The following AK7 variants were observed in gnomAD, a reference collection of about 807,000 sequenced individuals.
AK7 encodes the protein ATP-AMP transphosphorylase 7.
A neutral mutation model predicts 96.6 loss-of-function variants in AK7; 78 were observed. The ratio of observed to expected loss-of-function variants is 0.81; its 90% confidence interval spans 0.67 to 0.97. The LOEUF is 0.97. Ranked by LOEUF, AK7 falls within the 50% of genes least tolerant of loss-of-function variation. The pLI, the probability that AK7 is intolerant of heterozygous loss-of-function variation, is 0.00. For synonymous variants in AK7, 302 were observed against 317.2 expected (o/e 0.95, Z 0.51); for missense variants, 855 against 887.9 (o/e 0.96, Z 0.47).
intron 4 of AK7, among the ~76,000 whole-genome samples, chr14:96,418,600 C>A (rs1013253406): frequency 6.6e-6 from 1 of 152,078 alleles, no homozygotes; most frequent in African/African-American, 2.4e-5. Context: ...CTCACTGCAA[C>A]CTCAGCCTCC....
Position 96,395,321 on chromosome 14 carries a change from A to G in AK7, c.106-2754A>G, listed in dbSNP as rs536341816. 3.9e-5 allele frequency among the ~76,000 whole-genome samples: 6 copies of G among 152,340 alleles called. 1 individual carries two copies. Among genetic ancestry groups the G allele is most frequent in the African/African-American group, 1.4e-4 (6 of 41,578 alleles). On this transcript the variant is annotated intron_variant, in intron 1 of 17. Coordinates refer to ENST00000267584, the MANE Select transcript of AK7 (RefSeq NM_152327.5). ...TTCTAAGAAAATCATAAAGAAGACA[A>G]ATATATTTACTATTCATTAAACAGA...
At chr14:96,468,243 G>A (rs1894688706) in intron 12 of AK7, among the ~76,000 whole-genome samples, 1 of 144,544 alleles carries the variant, frequency 6.9e-6, no homozygotes, top group Non-Finnish European at 1.5e-5. Flanking sequence ...AAAGAAGGGT[G>A]ATCTCTCTCA....
chr14:96,489,122 T>C lies in AK7; in HGVS notation c.*779T>C, dbSNP rs1347328739. 1 of 152,224 alleles carries C rather than the reference T, an allele frequency of 6.6e-6. No homozygotes were observed. Among genetic ancestry groups the C allele is most frequent in the Non-Finnish European group, 1.5e-5 (1 of 68,036 alleles). 9.4% of individuals were successfully genotyped at this position (152,224 alleles called of 1,614,324 possible). On this transcript the variant is annotated 3_prime_UTR_variant, in exon 18 of 18. Coordinates refer to ENST00000267584, the MANE Select transcript of AK7 (RefSeq NM_152327.5). ...TTTAGGTTTAATGGCATATGTATTT[T>C]ATCTCTTTAAATAATGTAACCTAAT...
At chr14:96,447,101 C>T (rs1385571998) in intron 8 of AK7, among the ~76,000 whole-genome samples, 3 of 152,194 alleles carry the variant, frequency 2.0e-5, no homozygotes, top group Non-Finnish European at 4.4e-5. Context: ...CCAAAATAGC[C>T]TTTCTCTTTT....
chr14:96,475,846 G>C (rs1895144980), intron 14 of AK7, among the ~76,000 whole-genome samples: 1 of 152,096 alleles, frequency 6.6e-6, no homozygotes, highest in Non-Finnish European at 1.5e-5. Flanking sequence ...GGGTGTGGTG[G>C]CATGTGCCTG....
chr14:96,441,812 C>A (rs539783106), intron 6 of AK7, among the ~76,000 whole-genome samples: 1 of 152,008 alleles, frequency 6.6e-6, no homozygotes, highest in African/African-American at 2.4e-5. Context: ...CTACAGTCAG[C>A]CTCCTCAATG....
In AK7 at chr14:96,398,153, G is replaced by A. The variant is rs770253033; in HGVS notation, c.184G>A (p.Ala62Thr). 4 of 1,614,170 alleles carry A rather than the reference G, an allele frequency of 2.5e-6. No individual in the cohort carries two copies. The highest frequency in any genetic ancestry group is 1.1e-5 in the South Asian group (1 of 91,086). ...GGAAGAGGAAGATGAAAATAAGTCA[G>A]CTATGCTGGAAGCTTCCTCAACCAA... The part of the protein sequence containing the change: ...EEEEEDENKS[A>T]MLEASSTKVK... The change falls in exon 2 of 18, where the codon GCT becomes ACT. Residue 62 changes from alanine to threonine, a missense_variant. Ala to Thr is a moderately conservative substitution (Grantham distance 58). Coordinates refer to ENST00000267584, the MANE Select transcript of AK7 (RefSeq NM_152327.5).
At chr14:96,407,208 G>A (rs1211453843) in intron 3 of AK7, among the ~76,000 whole-genome samples, 1 of 152,122 alleles carries the variant, frequency 6.6e-6, no homozygotes, top group African/African-American at 2.4e-5. Flanking sequence ...CCCAGTTAGA[G>A]GACCTCAAAG....
intron 9 of AK7, among the ~76,000 whole-genome samples, chr14:96,450,280 G>T (rs1893515624): frequency 6.6e-6 from 1 of 152,010 alleles, no homozygotes; most frequent in African/African-American, 2.4e-5. Flanking sequence ...GCTGGGCATG[G>T]TGACACATGC....
chr14:96,408,208 G>A (rs2140004755), intron 3 of AK7, among the ~76,000 whole-genome samples: 1 of 152,280 alleles, frequency 6.6e-6, no homozygotes, highest in Admixed American at 6.5e-5. Flanking sequence ...GAACTCCTAA[G>A]AGGCCCTTAC....
chr14:96,418,503 G>C (rs2140033410), intron 4 of AK7, among the ~76,000 whole-genome samples: 1 of 129,878 alleles, frequency 7.7e-6, no homozygotes, highest in East Asian at 3.3e-4. Flanking sequence ...TACCTCAGTA[G>C]GGCTTTTTGT....
At position 96,392,685 on chromosome 14, in the gene AK7, A is replaced by T. The variant is rs530843864; in HGVS notation, c.105+426A>T. Reference sequence around the variant, plus strand: ...AATAAATCAATTTTTTTTTTTTGAGACGGAGCCTTGCTCTGTCGCCCAGGC... The same window carrying T: ...AATAAATCAATTTTTTTTTTTTGAGTCGGAGCCTTGCTCTGTCGCCCAGGC... On this transcript the variant is annotated intron_variant, in intron 1 of 17. Coordinates refer to ENST00000267584, the MANE Select transcript of AK7 (RefSeq NM_152327.5). Among the ~76,000 whole-genome samples, 2 of 150,954 alleles carry T rather than the reference A, an allele frequency of 1.3e-5. 1 individual carries two copies. Among genetic ancestry groups the T allele is most frequent in the South Asian group, 4.2e-4 (2 of 4,802 alleles).
In AK7 at chr14:96,488,961, A is replaced by G. The variant is rs1025691717; in HGVS notation, c.*618A>G. 2 of 152,044 alleles carry G rather than the reference A, an allele frequency of 1.3e-5. No individual in the cohort carries two copies. Among genetic ancestry groups the G allele is most frequent in the African/African-American group, 4.8e-5 (2 of 41,376 alleles). 9.4% of individuals were successfully genotyped at this position (152,044 alleles called of 1,614,324 possible). ...AAATCTGCATAACAGGATAATTCCA[A>G]TCTTTGTGATAAGTGAGAAGTTGCT... On this transcript the variant is annotated 3_prime_UTR_variant, in exon 18 of 18. Coordinates refer to ENST00000267584, the MANE Select transcript of AK7 (RefSeq NM_152327.5).
intron 1 of AK7, among the ~76,000 whole-genome samples, chr14:96,393,817 C>T (rs1889894209): frequency 7.3e-6 from 1 of 136,322 alleles, no homozygotes; most frequent in South Asian, 2.2e-4. Context: ...TAAAATGCAT[C>T]CATCAAAAAA....
intron 8 of AK7, among the ~76,000 whole-genome samples, chr14:96,448,985 A>G (rs1050840031): frequency 2.4e-5 from 2 of 83,608 alleles, no homozygotes; most frequent in East Asian, 3.7e-4. Flanking sequence ...AATTGTGGGG[A>G]AAAAAAAAAG....
intron 4 of AK7, 57 bp from the exon 5 acceptor site, chr14:96,420,765 G>A: frequency 8.3e-7 from 1 of 1,210,854 alleles, no homozygotes; most frequent in Non-Finnish European, 1.2e-6. Context: ...TTTAGCCTTA[G>A]AAGTCACACA....
intron 4 of AK7, among the ~76,000 whole-genome samples, chr14:96,415,291 AAAATAAAT>A (rs1006657608): frequency 6.6e-6 from 1 of 151,998 alleles, no homozygotes; most frequent in Non-Finnish European, 1.5e-5. Context: ...ACCATCTCTA[AAAATAAAT>A]AAATAAATAA....
intron 2 of AK7, chr14:96,398,577 G>A (rs1890224558): frequency 8.9e-6 from 3 of 335,944 alleles, no homozygotes; most frequent in Non-Finnish European, 1.1e-5. Context: ...GCCATGATGG[G>A]TGCCATCTGT....
At chr14:96,467,870 G>A (rs1401909716) in intron 12 of AK7, among the ~76,000 whole-genome samples, 1 of 151,858 alleles carries the variant, frequency 6.6e-6, no homozygotes, top group Non-Finnish European at 1.5e-5. Flanking sequence ...TAGTTCTGAG[G>A]TACATTTATT....
Sources: gnomAD v4.1 joint callset for allele counts (sites outside exome capture counted in the v4.1 genomes callset) on GRCh38, gnomAD v4.1.1 for gene constraint, MANE v1.5 for transcripts, NCBI Gene and HGNC (gene_info 2026-07-23, HGNC 2026-07-21) for gene names.